Variants in TMEM120B observed in about 807,000 individuals in gnomAD.
TMEM120B encodes the protein transmembrane protein 120B.
A neutral mutation model predicts 55.5 loss-of-function variants in TMEM120B; 31 were observed. The observed-to-expected ratio is 0.56, with a 90% CI of 0.42 to 0.75. The LOEUF is 0.75. Among genes scored for constraint, TMEM120B ranks in the 30% least tolerant of loss-of-function variants. The pLI is 0.00. For synonymous variants in TMEM120B, 203 were observed against 176.3 expected (o/e 1.15, Z -1.20); for missense variants, 399 against 425.5 (o/e 0.94, Z 0.55).
chr12:121,764,857 G>A (rs767014282), intron 6 of TMEM120B, among the ~76,000 whole-genome samples: 7 of 152,126 alleles, frequency 4.6e-5, no homozygotes, highest in Non-Finnish European at 8.8e-5. Context: ...GGCAAAAATG[G>A]ACTTCCAAAG....
chr12:121,729,149 A>ATGGC (rs1245125863), intron 1 of TMEM120B, among the ~76,000 whole-genome samples: 1 of 152,222 alleles, frequency 6.6e-6, no homozygotes, highest in African/African-American at 2.4e-5. Flanking sequence ...CAGAAGGGGA[A>ATGGC]TGGCTGCCTG....
intron 9 of TMEM120B, among the ~76,000 whole-genome samples, chr12:121,773,824 G>A (rs1874144779): frequency 6.6e-6 from 1 of 151,532 alleles, no homozygotes; most frequent in Non-Finnish European, 1.5e-5. Context: ...ACACGTATAA[G>A]TATATAAATG....
At chr12:121,743,330 C>T (rs1872986759) in intron 1 of TMEM120B, among the ~76,000 whole-genome samples, 1 of 151,482 alleles carries the variant, frequency 6.6e-6, no homozygotes, top group African/African-American at 2.4e-5. Flanking sequence ...GCGGGCAGGT[C>T]ACAAGGCCAG....
intron 1 of TMEM120B, among the ~76,000 whole-genome samples, chr12:121,722,887 T>G (rs1894822270): frequency 6.6e-6 from 1 of 151,070 alleles, no homozygotes; most frequent in African/African-American, 2.4e-5. Context: ...TCGCTCTTGT[T>G]GCCCAGGCTG....
chr12:121,721,330 C>T (rs757872530), intron 1 of TMEM120B, among the ~76,000 whole-genome samples: 16 of 152,056 alleles, frequency 1.1e-4, no homozygotes. Context: ...AGGCACACAC[C>T]ACCACACTTG....
chr12:121,731,269 T>C (rs1320774775), intron 1 of TMEM120B, among the ~76,000 whole-genome samples: 1 of 152,166 alleles, frequency 6.6e-6, no homozygotes, highest in Non-Finnish European at 1.5e-5. Flanking sequence ...TTTATTTTTT[T>C]CAGGCGTAGT....
At chr12:121,763,406 C>T (rs1238592670) in intron 6 of TMEM120B, among the ~76,000 whole-genome samples, 1 of 151,962 alleles carries the variant, frequency 6.6e-6, no homozygotes, top group Non-Finnish European at 1.5e-5. Context: ...TCGTGATCCG[C>T]CCACCTCAGC....
Position 121,780,219 on chromosome 12 carries a change from G to A in TMEM120B, c.*4497G>A, listed in dbSNP as rs976294061. 3.2e-5 allele frequency: 5 copies of A among 156,220 alleles called. No individual in the cohort carries two copies. The highest frequency in any genetic ancestry group is 9.3e-4 in the Middle Eastern group (1 of 1,076). 9.7% of individuals were successfully genotyped at this position (156,220 alleles called of 1,614,324 possible). A position where few individuals can be genotyped will look rare whatever the true frequency, so the allele number is the denominator to read the frequency against. On this transcript the variant is annotated 3_prime_UTR_variant, in exon 12 of 12. Coordinates refer to ENST00000449592, the MANE Select transcript of TMEM120B (RefSeq NM_001080825.2). ...ATTACAGGCATGCGCCACCATGCCC[G>A]GCTAATGTTGTATTTTTAGTAGAGA...
At chr12:121,753,939 C>G (rs965639763) in intron 5 of TMEM120B, among the ~76,000 whole-genome samples, 2 of 152,208 alleles carry the variant, frequency 1.3e-5, no homozygotes. Context: ...TGGTACCGTC[C>G]AAGTGCAGCA....
At chr12:121,732,046 A>G (rs1030285634) in intron 1 of TMEM120B, among the ~76,000 whole-genome samples, 2 of 152,224 alleles carry the variant, frequency 1.3e-5, no homozygotes, top group Non-Finnish European at 2.9e-5. Context: ...CTGAAGCAGT[A>G]GAATCTCTTG....
intron 1 of TMEM120B, among the ~76,000 whole-genome samples, chr12:121,715,825 A>G (rs995008865): frequency 2.0e-5 from 3 of 151,898 alleles, no homozygotes; most frequent in African/African-American, 7.3e-5. Flanking sequence ...AGTTAGTGGT[A>G]AAGTTGGGGC....
chr12:121,762,712 T>C (rs1873720121), intron 6 of TMEM120B, among the ~76,000 whole-genome samples: 1 of 152,160 alleles, frequency 6.6e-6, no homozygotes. Flanking sequence ...TGGGTGGTCT[T>C]CTACGGGGAG....
intron 2 of TMEM120B, among the ~76,000 whole-genome samples, chr12:121,745,440 G>A (rs760841737): frequency 6.6e-6 from 1 of 152,068 alleles, no homozygotes; most frequent in African/African-American, 2.4e-5. Context: ...GCCCAGGCTG[G>A]GGTGCAGTGG....
intron 1 of TMEM120B, among the ~76,000 whole-genome samples, chr12:121,737,907 G>A (rs143227540): frequency 4.3e-4 from 66 of 151,854 alleles, no homozygotes; most frequent in African/African-American, 1.5e-3. Context: ...CTACTTGGGA[G>A]GCTGAGGCAC....
intron 2 of TMEM120B, among the ~76,000 whole-genome samples, chr12:121,745,880 G>C (rs1171768119): frequency 6.6e-6 from 1 of 151,926 alleles, no homozygotes; most frequent in African/African-American, 2.4e-5. Context: ...TGTTGTTTTT[G>C]AGATGGAGTT....
rs757037372 is a variant in TMEM120B at position 121,771,577 on chromosome 12, G to T, written c.679+28G>T. On this transcript the variant is annotated intron_variant, in intron 8 of 11. Coordinates refer to ENST00000449592, the MANE Select transcript of TMEM120B (RefSeq NM_001080825.2). Reference sequence around the variant, plus strand: ...GAGTGACTGTTGCCTGGATTTGGGGGAAGGGACATGGTTTTCTGAGACTTT... The same window carrying T: ...GAGTGACTGTTGCCTGGATTTGGGGTAAGGGACATGGTTTTCTGAGACTTT... The T allele has an allele frequency of 3.0e-5, 48 of 1,605,920 alleles. No homozygotes were observed. The East Asian group carries it at 1.0e-3, about 35-fold the overall frequency.
chr12:121,773,318 C>T, intron 8 of TMEM120B, 103 bp from the exon 9 acceptor site: 1 of 1,026,400 alleles, frequency 9.7e-7, no homozygotes, highest in Non-Finnish European at 1.4e-6. Flanking sequence ...CTTTCTGCTT[C>T]TGCCCAGTAA....
At chr12:121,746,924 C>T (rs1257177410) in intron 2 of TMEM120B, among the ~76,000 whole-genome samples, 2 of 151,466 alleles carry the variant, frequency 1.3e-5, no homozygotes, top group Admixed American at 6.6e-5. Flanking sequence ...CGCCACTGCA[C>T]TCCAGCCTGG....
At chr12:121,725,425 C>T (rs1015619791) in intron 1 of TMEM120B, among the ~76,000 whole-genome samples, 5 of 152,160 alleles carry the variant, frequency 3.3e-5, no homozygotes, top group African/African-American at 9.7e-5. Flanking sequence ...TTGGCATCTT[C>T]TTTAAAAGTT....
Sources: allele counts gnomAD v4.1 joint callset (sites outside exome capture counted in the v4.1 genomes callset), GRCh38; gene constraint gnomAD v4.1.1; transcripts MANE v1.5; gene names NCBI Gene and HGNC (gene_info 2026-07-23, HGNC 2026-07-21).